Variants in FOXL3 observed in about 807,000 individuals in gnomAD.
The protein encoded by FOXL3 is forkhead box L3.
FOXL3 carries 16 observed loss-of-function variants against 10.9 expected under a neutral mutation model. That is an observed-to-expected ratio of 1.46 (90% CI 0.99 to 2.22). The LOEUF (loss-of-function observed/expected upper bound fraction) is 2.22. Ranked by LOEUF, FOXL3 falls within the 30% of genes most tolerant of loss-of-function variation. The probability of loss-of-function intolerance (pLI) is 0.00; values close to 1 mark genes in which losing one functional copy is unlikely to be tolerated. For synonymous variants in FOXL3, 170 were observed against 152.0 expected, an observed-to-expected ratio of 1.12 and a Z score of -0.87; for missense variants, 400 against 337.9, an observed-to-expected ratio of 1.18 and a Z score of -1.44.
Position 290,216 on chromosome 7 carries a change from C to T in FOXL3, c.47C>T (p.Ala16Val). Residue 16 changes from alanine (A) to valine (V), a missense_variant, in exon 1 of 3, where the codon GCC (alanine) becomes GTC (valine). Transcript: ENST00000506382. ...CCCTACAACTGCTTCAATTACGACGCCGACGACTACCCCGCCGGCAGCTCC... is the reference window on the plus strand; with the variant it reads ...CCCTACAACTGCTTCAATTACGACGTCGACGACTACCCCGCCGGCAGCTCC... ...QYPYNCFNYD[A>V]DDYPAGSSDE... 1 of 1,535,982 alleles carries T rather than the reference C, an allele frequency of 6.5e-7. No homozygotes were observed. Among genetic ancestry groups the T allele is most frequent in the Non-Finnish European group, 8.7e-7 (1 of 1,146,804 alleles).
Position 290,716 on chromosome 7 carries a change from C to A in FOXL3, c.171C>A (p.Gly57=). 1 of 1,479,904 alleles carries A rather than the reference C, an allele frequency of 6.8e-7. No homozygotes were observed. Among genetic ancestry groups the A allele is most frequent in the Non-Finnish European group, 8.9e-7 (1 of 1,122,198 alleles). The allele number at this position is 1,479,904 out of a possible 1,614,324, so 91.7% of individuals were successfully genotyped here. A position where few individuals can be genotyped will look rare whatever the true frequency, so the allele number is the denominator to read the frequency against. The part of the protein sequence containing the change: ...QSPAGRVTLS[G]IYDFIMRKFP... ...CCGCGGGGAGGGTGACCCTGTCCGG[C>A]ATCTACGACTTCATCATGCGCAAAT... is the stretch of plus-strand genomic sequence containing the variant. Residue 57 remains glycine (G), a synonymous_variant, in exon 2 of 3, where the codon GGC becomes GGA. Coordinates refer to ENST00000506382, the MANE Select transcript of FOXL3 (RefSeq NM_001374838.1).
At position 291,317 on chromosome 7, in the gene FOXL3, C is replaced by T. The variant is rs1418410440; in HGVS notation, c.531C>T (p.Pro177=). ...GCGAGGGCGCCCCGGGCCGTGAGCC[C>T]CCCGCCAGCCCCGCTCCCCCGGGGA... The part of the protein sequence containing the change: ...SAGEGAPGRE[P]PASPAPPGKE... Residue 177 remains proline (P), a synonymous_variant, in exon 3 of 3, where the codon CCC becomes CCT. Transcript: ENST00000506382. The T allele has an allele frequency of 1.6e-6, 2 of 1,259,000 alleles. No individual in the cohort carries two copies. Among genetic ancestry groups the T allele is most frequent in the Admixed American group, 4.1e-5 (1 of 24,352 alleles). 78.0% of individuals were successfully genotyped at this position (1,259,000 alleles called of 1,614,324 possible). A position where few individuals can be genotyped will look rare whatever the true frequency, so the allele number is the denominator to read the frequency against.
In FOXL3 at chr7:290,702, G is replaced by A. The variant is rs1049013336; in HGVS notation, c.157G>A (p.Val53Met). The A allele has an allele frequency of 6.8e-7, 1 of 1,469,242 alleles. No homozygotes were observed. The highest frequency in any genetic ancestry group is 9.0e-7 in the Non-Finnish European group (1 of 1,116,956). 91.0% of individuals were successfully genotyped at this position (1,469,242 alleles called of 1,614,324 possible). The change falls in exon 2 of 3, where the codon GTG becomes ATG. Residue 53 changes from valine (V) to methionine (M), a missense_variant. By Grantham distance (21) the Val-to-Met change is conservative (BLOSUM62 1). Coordinates refer to ENST00000506382, the MANE Select transcript of FOXL3 (RefSeq NM_001374838.1). ...CATTCAGCAGAGCCCCGCGGGGAGG[G>A]TGACCCTGTCCGGCATCTACGACTT... ...MAIQQSPAGR[V>M]TLSGIYDFIM...
In FOXL3 at chr7:290,965, C is replaced by A. The variant is rs1256526848; in HGVS notation, c.277-98C>A. On this transcript the variant is annotated intron_variant, in intron 2 of 2. Coordinates refer to ENST00000506382, the MANE Select transcript of FOXL3 (RefSeq NM_001374838.1). ...CGGGGCCGCCTCCACCTGCGCAGTG[C>A]GCCACCCTCGCCCCGGTCCAGGGCG... The A allele has an allele frequency of 3.9e-6, 5 of 1,275,516 alleles. No homozygotes were observed. In the African/African-American group the frequency reaches 6.3e-5, roughly 16 times the overall value. The allele number at this position is 1,275,516 out of a possible 1,614,324, so 79.0% of individuals were successfully genotyped here. A position where few individuals can be genotyped will look rare whatever the true frequency, so the allele number is the denominator to read the frequency against.
intron 2 of FOXL3, 90 bp downstream of exon 2, chr7:290,911 C>A: frequency 7.7e-6 from 10 of 1,304,556 alleles, no homozygotes; most frequent in Middle Eastern, 2.0e-4. Context: ...GGCACCGCGG[C>A]GGCTTCAGGG....
chr7:291,178 G>A lies in FOXL3; in HGVS notation c.392G>A (p.Arg131Gln). The change falls in exon 3 of 3, where the codon CGG becomes CAG. Residue 131 changes from arginine (R) to glutamine (Q), a missense_variant. Coordinates refer to ENST00000506382, the MANE Select transcript of FOXL3 (RefSeq NM_001374838.1). ...ENGNYRRRRR[R>Q]RGPKREGPRG... Reference sequence around the variant, plus strand: ...GGCAACTACCGGCGGCGGCGGCGGCGGCGCGGCCCCAAGCGCGAGGGGCCG... The same window carrying A: ...GGCAACTACCGGCGGCGGCGGCGGCAGCGCGGCCCCAAGCGCGAGGGGCCG... 3.9e-6 allele frequency: 5 copies of A among 1,266,594 alleles called. No individual in the cohort carries two copies. The highest frequency in any genetic ancestry group is 4.8e-5 in the South Asian group (2 of 42,040). 78.5% of individuals were successfully genotyped at this position (1,266,594 alleles called of 1,614,324 possible). A position where few individuals can be genotyped will look rare whatever the true frequency, so the allele number is the denominator to read the frequency against.
At chr7:291,005 G>C in intron 2 of FOXL3, 58 bp from the exon 3 acceptor site, 1 of 1,326,476 alleles carries the variant, frequency 7.5e-7, no homozygotes, top group Non-Finnish European at 9.6e-7. Flanking sequence ...GAGGGGACAA[G>C]GCGGGCGGGC....
intron 1 of FOXL3, 148 bp from the exon 2 acceptor site, chr7:290,505 G>A (rs923361065): frequency 1.3e-5 from 11 of 875,228 alleles, no homozygotes; most frequent in African/African-American, 1.7e-5. Flanking sequence ...TCTGGGGTCT[G>A]GGTGGCGCCG....
In FOXL3 at chr7:290,213, A is replaced by G. The variant is rs1281554779; in HGVS notation, c.44A>G (p.Asp15Gly). 2.6e-6 allele frequency: 4 copies of G among 1,535,884 alleles called. No homozygotes were observed. The Admixed American group carries it at 7.8e-5, about 30-fold the overall frequency. Residue 15 changes from aspartate (D) to glycine (G), a missense_variant, in exon 1 of 3, where the codon GAC becomes GGC. By Grantham distance (94) the Asp-to-Gly change is moderately conservative. Coordinates refer to ENST00000506382, the MANE Select transcript of FOXL3 (RefSeq NM_001374838.1). ...TATCCCTACAACTGCTTCAATTACG[A>G]CGCCGACGACTACCCCGCCGGCAGC... ...SQYPYNCFNYDADDYPAGSSD... is the reference protein window; with the variant it reads ...SQYPYNCFNYGADDYPAGSSD...
rs1233721170 is a variant in FOXL3, at chr7:290,733, T to C, written c.188T>C (p.Met63Thr). 6 of 1,491,056 alleles carry C rather than the reference T, an allele frequency of 4.0e-6. No individual in the cohort carries two copies. In the South Asian group the frequency reaches 6.8e-5, roughly 17 times the overall value. 92.4% of individuals were successfully genotyped at this position (1,491,056 alleles called of 1,614,324 possible). Residue 63 changes from methionine to threonine, a missense_variant, in exon 2 of 3, where the codon ATG (methionine) becomes ACG (threonine). Coordinates refer to ENST00000506382, the MANE Select transcript of FOXL3 (RefSeq NM_001374838.1). ...CTGTCCGGCATCTACGACTTCATCA[T>C]GCGCAAATTCCCCTATTACCGCGCC... ...VTLSGIYDFI[M>T]RKFPYYRANQ...
chr7:290,608 G>C, intron 1 of FOXL3, 45 bp from the exon 2 acceptor site: 1 of 1,416,752 alleles, frequency 7.1e-7, no homozygotes. Context: ...GGGAAGGACG[G>C]GGGGCTGCCC....
intron 2 of FOXL3, 21 bp downstream of exon 2, chr7:290,842 G>T: frequency 7.1e-7 from 1 of 1,402,002 alleles, no homozygotes. Context: ...CCCCCGACGG[G>T]CCCCGGGTGT....
chr7:290,517 G>A (rs1417461140), intron 1 of FOXL3, 136 bp from the exon 2 acceptor site: 3 of 967,848 alleles, frequency 3.1e-6, no homozygotes, highest in Admixed American at 5.9e-5. Context: ...GTGGCGCCGG[G>A]GACCGCGAGC....
rs1343806041 is a variant in FOXL3, at chr7:291,380, C to T, written c.594C>T (p.Tyr198=). 2.3e-6 allele frequency: 3 copies of T among 1,318,036 alleles called. No homozygotes were observed. Among genetic ancestry groups the T allele is most frequent in the Admixed American group, 7.0e-5 (2 of 28,714 alleles). The allele number at this position is 1,318,036 out of a possible 1,614,324, so 81.6% of individuals were successfully genotyped here. The change falls in exon 3 of 3, where the codon TAC becomes TAT. Residue 198 remains tyrosine (Y), a synonymous_variant. Transcript: ENST00000506382. ...HPRDLKFSID[Y]ILSSPDPFPG... ...GGGACCTCAAGTTCAGCATCGACTACATCCTGTCCTCCCCAGACCCCTTCC... is the reference window on the plus strand; with the variant it reads ...GGGACCTCAAGTTCAGCATCGACTATATCCTGTCCTCCCCAGACCCCTTCC...
rs1021611546 is a variant in FOXL3, at chr7:290,610, G to A, written c.108-43G>A. ...CCTGCGGGATGGGGGGAAGGACGGG[G>A]GGCTGCCCGGTGGAGACCCCGCCTG... is the stretch of plus-strand genomic sequence containing the variant. On this transcript the variant is annotated intron_variant, in intron 1 of 2. Transcript: ENST00000506382. 2.1e-6 allele frequency: 3 copies of A among 1,416,866 alleles called. No homozygotes were observed. The African/African-American group carries it at 4.3e-5, about 20-fold the overall frequency. The allele number at this position is 1,416,866 out of a possible 1,614,324, so 87.8% of individuals were successfully genotyped here.
At position 291,294 on chromosome 7, in the gene FOXL3, G is replaced by T; in HGVS notation, c.508G>T (p.Glu170Ter). The T allele has an allele frequency of 8.1e-7, 1 of 1,238,476 alleles. No individual in the cohort carries two copies. The allele number at this position is 1,238,476 out of a possible 1,614,324, so 76.7% of individuals were successfully genotyped here. ...QGRLAPDSAG[E>*]GAPGREPPAS... Reference sequence around the variant, plus strand: ...GCGCCTGGCCCCGGACAGCGCTGGCGAGGGCGCCCCGGGCCGTGAGCCCCC... The same window carrying T: ...GCGCCTGGCCCCGGACAGCGCTGGCTAGGGCGCCCCGGGCCGTGAGCCCCC... The change falls in exon 3 of 3, where the codon GAG becomes TAG. Residue 170 changes from glutamate to a stop codon, truncating the protein, a stop_gained. Coordinates refer to ENST00000506382, the MANE Select transcript of FOXL3 (RefSeq NM_001374838.1). LOFTEE classifies it low-confidence loss of function (END_TRUNC).
At position 291,466 on chromosome 7, in the gene FOXL3, G is replaced by A; in HGVS notation, c.680G>A (p.Gly227Glu). Residue 227 changes from glycine (G) to glutamate (E), a missense_variant, in exon 3 of 3, where the codon GGA (glycine) becomes GAA (glutamate). Physicochemically the swap from Gly to Glu is moderately conservative, Grantham distance 98. Transcript: ENST00000506382. ...EGRYPRLENVGLHFWTM is the reference protein window; with the variant it reads ...EGRYPRLENVELHFWTM ...AGATACCCGCGGCTGGAGAACGTGGGACTCCACTTTTGGACAATGTGATGT... is the reference window on the plus strand; with the variant it reads ...AGATACCCGCGGCTGGAGAACGTGGAACTCCACTTTTGGACAATGTGATGT... The A allele has an allele frequency of 1.6e-6, 2 of 1,236,766 alleles. No homozygotes were observed. Among genetic ancestry groups the A allele is most frequent in the South Asian group, 3.8e-5 (1 of 26,038 alleles). 76.6% of individuals were successfully genotyped at this position (1,236,766 alleles called of 1,614,324 possible).
chr7:290,363 G>A (rs1778613688), intron 1 of FOXL3, 87 bp downstream of exon 1: 2 of 1,056,438 alleles, frequency 1.9e-6, no homozygotes, highest in South Asian at 1.4e-5. Flanking sequence ...CTGGGACGAA[G>A]GAAGGGCGGG....
Position 291,084 on chromosome 7 carries a change from GAGA to G in FOXL3, c.301_303del (p.Lys101del). Reference sequence around the variant, plus strand: ...GCAGGTGCCGCGGTCCGAGGGCCACGAGAAGGGCAAAGGCAACTACTGGACGTT... The same window carrying G: ...GCAGGTGCCGCGGTCCGAGGGCCACGAGGGCAAAGGCAACTACTGGACGTT... On this transcript the variant is annotated inframe_deletion, in exon 3 of 3. Coordinates refer to ENST00000506382, the MANE Select transcript of FOXL3 (RefSeq NM_001374838.1). 7.0e-7 allele frequency: 1 copy of G among 1,419,652 alleles called. No homozygotes were observed. The allele number at this position is 1,419,652 out of a possible 1,614,324, so 87.9% of individuals were successfully genotyped here.
Sources: gnomAD v4.1 joint callset for allele counts on GRCh38, gnomAD v4.1.1 for gene constraint, MANE v1.5 for transcripts, NCBI Gene and HGNC (gene_info 2026-07-23, HGNC 2026-07-21) for gene names.